Variants in BLTP1 observed in about 807,000 individuals in gnomAD.
BLTP1 encodes bridge-like lipid transfer protein family member 1.
chr4:122,165,985 A>C, the BLTP1 span, among the ~76,000 whole-genome samples: 7 of 151,766 alleles, frequency 4.6e-5, no homozygotes. Flanking sequence ...CCTTTGTCAG[A>C]TGAGTAGATT....
chr4:122,182,010 A>G, the BLTP1 span, among the ~76,000 whole-genome samples: 6 of 152,124 alleles, frequency 3.9e-5, no homozygotes, highest in African/African-American at 1.2e-4. Context: ...CTTTTTTTCT[A>G]TTGAAAATCA....
the BLTP1 span, chr4:122,190,279 A>G: frequency 1.8e-6 from 1 of 554,370 alleles, no homozygotes; most frequent in Non-Finnish European, 2.3e-6. Flanking sequence ...AAAGTTTTGT[A>G]GAGATGGTAT....
the BLTP1 span, among the ~76,000 whole-genome samples, chr4:122,180,713 C>T: frequency 6.6e-6 from 1 of 152,196 alleles, no homozygotes; most frequent in Non-Finnish European, 1.5e-5. Context: ...GTAATTGGGA[C>T]ACATGCTATT....
the BLTP1 span, chr4:122,262,774 C>T: frequency 1.3e-6 from 2 of 1,596,926 alleles, no homozygotes; most frequent in Non-Finnish European, 1.7e-6. Context: ...GGCATTCACC[C>T]ATATCATTCT....
chr4:122,170,874 T>C, the BLTP1 span: 6 of 577,014 alleles, frequency 1.0e-5, no homozygotes, highest in African/African-American at 1.2e-4. Flanking sequence ...GAAGGAAGAT[T>C]GTTATTTATA....
At chr4:122,201,115 A>T in the BLTP1 span, 1 of 1,609,116 alleles carries the variant, frequency 6.2e-7, no homozygotes, top group Non-Finnish European at 8.5e-7. Flanking sequence ...GCACAGAAAA[A>T]CTTCTTTACA....
the BLTP1 span, among the ~76,000 whole-genome samples, chr4:122,316,069 G>T: frequency 6.6e-6 from 1 of 152,036 alleles, no homozygotes; most frequent in Non-Finnish European, 1.5e-5. Flanking sequence ...GAGTTTTATG[G>T]TACGTGAGTT....
chr4:122,198,990 A>C, the BLTP1 span, among the ~76,000 whole-genome samples: 7 of 152,168 alleles, frequency 4.6e-5, no homozygotes, highest in Non-Finnish European at 1.0e-4. Flanking sequence ...GTTACTTAGT[A>C]ACCATCATTA....
chr4:122,281,801 C>T, the BLTP1 span: 2 of 1,459,726 alleles, frequency 1.4e-6, no homozygotes, highest in South Asian at 3.1e-5. Context: ...AATTCACTCT[C>T]TTAAAATTTA....
chr4:122,229,349 C>A, the BLTP1 span: 1 of 815,854 alleles, frequency 1.2e-6, no homozygotes, highest in Non-Finnish European at 1.8e-6. Context: ...CAGACAGCCA[C>A]AAAATTTTAG....
the BLTP1 span, chr4:122,236,731 A>G: frequency 1.1e-6 from 1 of 928,966 alleles, no homozygotes. Flanking sequence ...AATGAGGAAA[A>G]TAGTAAATTC....
chr4:122,224,108 C>A, the BLTP1 span: 4 of 981,114 alleles, frequency 4.1e-6, no homozygotes, highest in Non-Finnish European at 1.2e-6. Flanking sequence ...GGTCTGAGTT[C>A]TTCAATGTTG....
At chr4:122,310,740 C>T in the BLTP1 span, among the ~76,000 whole-genome samples, 5 of 152,254 alleles carry the variant, frequency 3.3e-5, no homozygotes, top group South Asian at 1.0e-3. Flanking sequence ...CAAATTGCTT[C>T]AGTTTAAAAT....
the BLTP1 span, chr4:122,237,296 C>T: frequency 9.1e-6 from 9 of 985,260 alleles, no homozygotes; most frequent in Non-Finnish European, 1.1e-5. Flanking sequence ...TTCCCCCAGC[C>T]CCTCAGTTTA....
the BLTP1 span, among the ~76,000 whole-genome samples, chr4:122,356,248 G>A: frequency 2.0e-5 from 3 of 152,110 alleles, no homozygotes; most frequent in Non-Finnish European, 4.4e-5. Flanking sequence ...GGCATATATA[G>A]GTTGAGCATC....
the BLTP1 span, chr4:122,193,710 A>G: frequency 2.2e-6 from 2 of 910,400 alleles, no homozygotes; most frequent in East Asian, 2.4e-4. Flanking sequence ...ATAGAGAAAT[A>G]CAAGCCAAGT....
chr4:122,200,062 A>G, the BLTP1 span: 2 of 968,244 alleles, frequency 2.1e-6, no homozygotes, highest in African/African-American at 1.8e-5. Flanking sequence ...ATTCTTTCAT[A>G]TAAGATGGTG....
the BLTP1 span, chr4:122,287,845 C>A: frequency 3.0e-6 from 1 of 338,296 alleles, no homozygotes; most frequent in Non-Finnish European, 4.2e-6. Flanking sequence ...AAAGTGTATC[C>A]CACTTGTACT....
chr4:122,301,019 T>C, the BLTP1 span: 10 of 980,684 alleles, frequency 1.0e-5, no homozygotes, highest in Non-Finnish European at 1.2e-5. Flanking sequence ...GTTTACTTTT[T>C]TCCCTCAAAT....
Sources: gnomAD v4.1 joint callset for allele counts (sites outside exome capture counted in the v4.1 genomes callset) on GRCh38, gnomAD v4.1.1 for gene constraint, MANE v1.5 for transcripts, NCBI Gene and HGNC (gene_info 2026-07-23, HGNC 2026-07-21) for gene names.